Variants in SPEG observed in about 807,000 individuals in gnomAD.
SPEG encodes the protein striated muscle preferentially expressed protein kinase.
Under a neutral mutation model 300.4 loss-of-function variants are expected in SPEG, and 114 were observed. That is an observed-to-expected ratio of 0.38 (90% confidence interval 0.33 to 0.44). The LOEUF is 0.44. Ranked by LOEUF, SPEG falls within the 20% of genes least tolerant of loss-of-function variation. The pLI is 1.00. For synonymous variants in SPEG, 1,964 were observed against 2,018.9 expected, an observed-to-expected ratio of 0.97 and a Z score of 0.73; for missense variants, 4,201 against 4,586.2, an observed-to-expected ratio of 0.92 and a Z score of 2.43.
rs986657518 is a variant in SPEG, at chr2:219,444,117, G to A, written c.389-536G>A. On this transcript the variant is annotated intron_variant, in intron 1 of 40. Transcript: ENST00000312358. The surrounding 1 kb of genome is among the most constrained non-coding windows in gnomAD (Gnocchi z 7.8). Reference sequence around the variant, plus strand: ...ATCCCCCCCTTTCCCACCCGGCCCCGGCCTCTCCTCACCCTGCCTCAGCTG... The same window carrying A: ...ATCCCCCCCTTTCCCACCCGGCCCCAGCCTCTCCTCACCCTGCCTCAGCTG... The A allele has an allele frequency of 4.7e-5, 58 of 1,241,190 alleles. No individual in the cohort carries two copies. Among genetic ancestry groups the A allele is most frequent in the African/African-American group, 1.4e-4 (9 of 65,034 alleles). 76.9% of individuals were successfully genotyped at this position (1,241,190 alleles called of 1,614,324 possible).
intron 18 of SPEG, 85 bp from the exon 19 acceptor site, chr2:219,476,785 G>A: frequency 2.8e-6 from 3 of 1,053,118 alleles, no homozygotes; most frequent in Non-Finnish European, 4.3e-6. Flanking sequence ...AGTCACTGAT[G>A]GGGGATCTTG....
Position 219,451,879 on chromosome 2 carries a change from A to C in SPEG, c.2440+72A>C, listed in dbSNP as rs910330097. On this transcript the variant is annotated intron_variant, in intron 6 of 40. Transcript: ENST00000312358. This position sits in a 1 kb window ranked among gnomAD's most constrained non-coding sequence, Gnocchi z 6.4. ...TCTCCCCTGGCCCAGGCCCCAGTCC[A>C]CCTCCCTTCCCACTCTCAGCCTTGA... 15 of 1,392,432 alleles carry C rather than the reference A, an allele frequency of 1.1e-5. No homozygotes were observed. The highest frequency in any genetic ancestry group is 2.6e-5 in the Admixed American group (1 of 37,990). 86.3% of individuals were successfully genotyped at this position (1,392,432 alleles called of 1,614,324 possible).
At position 219,448,615 on chromosome 2, in the gene SPEG, C is replaced by G. The variant is rs967635135; in HGVS notation, c.1457C>G (p.Pro486Arg). 11 of 1,475,968 alleles carry G rather than the reference C, an allele frequency of 7.5e-6. No individual in the cohort carries two copies. Among genetic ancestry groups the G allele is most frequent in the East Asian group, 5.8e-5 (2 of 34,518 alleles). 91.4% of individuals were successfully genotyped at this position (1,475,968 alleles called of 1,614,324 possible). The change falls in exon 4 of 41, where the codon CCG becomes CGG. Residue 486 changes from proline to arginine, a missense_variant. This residue lies in a region of SPEG where 1,258 missense variants were observed against 1,293.9 expected (regional missense o/e 0.97). Coordinates refer to ENST00000312358, the MANE Select transcript of SPEG (RefSeq NM_005876.5). ...GACGAGCGCACGCGTCAGCGCAGCC[C>G]GGCCTCAGACCTCGAGCTGCGCTTC... ...SLDERTRQRS[P>R]ASDLELRFAQ...
chr2:219,485,599 C>T, intron 31 of SPEG, 122 bp downstream of exon 31: 1 of 952,756 alleles, frequency 1.0e-6, no homozygotes. Context: ...AAGGGGTCTG[C>T]TCAGACAACT....
Position 219,489,225 on chromosome 2 carries a change from A to G in SPEG, c.8317+4A>G. On this transcript the variant is annotated splice_donor_region_variant and intron_variant, in intron 35 of 40. Coordinates refer to ENST00000312358, the MANE Select transcript of SPEG (RefSeq NM_005876.5). ...GTCTTTGTCAGGGGTACTCAAGGTC[A>G]GTGCAATGGTATGGGGTGGGAGGAG... 1 of 1,613,766 alleles carries G rather than the reference A, an allele frequency of 6.2e-7. No individual in the cohort carries two copies.
Position 219,489,844 on chromosome 2 carries a change from TG to T in SPEG, c.8829del (p.Ser2944AlafsTer141). The T allele has an allele frequency of 6.2e-7, 1 of 1,612,968 alleles. No individual in the cohort carries two copies. The highest frequency in any genetic ancestry group is 8.5e-7 in the Non-Finnish European group (1 of 1,179,520). On this transcript the variant is annotated frameshift_variant, in exon 36 of 41. Transcript: ENST00000312358. LOFTEE classifies it high-confidence loss of function. ...SPAKEVVSSPGSSPRSSPRPE... is the reference protein window; with the variant it reads ...SPAKEVVSSPXSSPRSSPRPE... ...CGGCCAAGGAGGTGGTCAGCTCCCC[TG>T]GGAGCAGTCCCCGAAGCTCTCCCAG...
chr2:219,449,941 G>A (rs2125295204), intron 4 of SPEG, among the ~76,000 whole-genome samples: 2 of 152,174 alleles, frequency 1.3e-5, no homozygotes, highest in African/African-American at 4.8e-5. Context: ...GAATGGCTCT[G>A]CACCCCACCC....
rs1371872990 is a variant in SPEG at position 219,444,930 on chromosome 2, T to A, written c.584T>A (p.Leu195Gln). 6.3e-7 allele frequency: 1 copy of A among 1,586,218 alleles called. No individual in the cohort carries two copies. The highest frequency in any genetic ancestry group is 1.3e-5 in the African/African-American group (1 of 74,472). Residue 195 changes from leucine to glutamine, a missense_variant, in exon 3 of 41, where the codon CTG becomes CAG. Leu to Gln is a moderately radical substitution (Grantham distance 113, BLOSUM62 -2). Coordinates refer to ENST00000312358, the MANE Select transcript of SPEG (RefSeq NM_005876.5). The surrounding 1 kb of genome is among the most constrained non-coding windows in gnomAD (Gnocchi z 7.8). ...TGGTGGGGCAGCGGGCAGACGGTCC[T>A]GGAGCAGGAAGCGGGCAGTGGGGGT... Reference protein sequence around the residue: ...VSWWGSGQTVLEQEAGSGGGT... With the variant: ...VSWWGSGQTVQEQEAGSGGGT...
rs184195499 is a variant in SPEG, at chr2:219,465,887, A to G, written c.2881+1279A>G. On this transcript the variant is annotated intron_variant, in intron 9 of 40. Transcript: ENST00000312358. Reference sequence around the variant, plus strand: ...TGTGTGCGTGTGTGCGTGCGTGTGCATGTGTGCGTATGGGTGTGTGCATGC... The same window carrying G: ...TGTGTGCGTGTGTGCGTGCGTGTGCGTGTGTGCGTATGGGTGTGTGCATGC... 716 of 616,326 alleles carry G rather than the reference A, an allele frequency of 1.2e-3. 1 individual carries two copies. The highest frequency in any genetic ancestry group is 1.5e-3 in the Non-Finnish European group (536 of 347,152). 38.2% of individuals were successfully genotyped at this position (616,326 alleles called of 1,614,324 possible).
At chr2:219,435,747 T>C (rs572382165) in intron 1 of SPEG, among the ~76,000 whole-genome samples, 2 of 152,310 alleles carry the variant, frequency 1.3e-5, no homozygotes, top group Admixed American at 6.5e-5. Context: ...TCCGATCAGC[T>C]CCTTAACAGG....
At chr2:219,462,655 G>T (rs1484580037) in intron 8 of SPEG, among the ~76,000 whole-genome samples, 1 of 152,226 alleles carries the variant, frequency 6.6e-6, no homozygotes, top group Non-Finnish European at 1.5e-5. Flanking sequence ...GGTGGCTCAC[G>T]CCTGTAATCC....
chr2:219,464,598 G>C lies in SPEG; in HGVS notation c.2871G>C (p.Leu957Phe). The change falls in exon 9 of 41, where the codon TTG becomes TTC. Residue 957 changes from leucine (L) to phenylalanine (F), a missense_variant. By Grantham distance (22) the Leu-to-Phe change is conservative. Coordinates refer to ENST00000312358, the MANE Select transcript of SPEG (RefSeq NM_005876.5). This position sits in a 1 kb window ranked among gnomAD's most constrained non-coding sequence, Gnocchi z 4.5. ...EYGARQCEAR[L>F]EVRAHPESRS... is the part of the protein sequence containing the mutation. ...GTGCTCGGCAGTGCGAGGCCCGCTT[G>C]GAGGTCCGAGGTGAGTACCTGATTT... 6.2e-7 allele frequency: 1 copy of C among 1,613,998 alleles called. No individual in the cohort carries two copies. Among genetic ancestry groups the C allele is most frequent in the African/African-American group, 1.3e-5 (1 of 75,064 alleles).
At position 219,461,842 on chromosome 2, in the gene SPEG, C is replaced by T. The variant is rs761386966; in HGVS notation, c.2441-40C>T. 8 of 1,594,774 alleles carry T rather than the reference C, an allele frequency of 5.0e-6. No homozygotes were observed. In the East Asian group the frequency reaches 1.8e-4, roughly 36 times the overall value. On this transcript the variant is annotated intron_variant, in intron 6 of 40. Transcript: ENST00000312358. Reference sequence around the variant, plus strand: ...CCAGCCAGCTCTCCCAGGCTCTCTGCTCGCCTTCCTCCCTGGTAGCTATCT... The same window carrying T: ...CCAGCCAGCTCTCCCAGGCTCTCTGTTCGCCTTCCTCCCTGGTAGCTATCT...
rs1575159236 is a variant in SPEG at position 219,480,569 on chromosome 2, C to T, written c.5343-102C>T. On this transcript the variant is annotated intron_variant, in intron 25 of 40. Coordinates refer to ENST00000312358, the MANE Select transcript of SPEG (RefSeq NM_005876.5). This position sits in a 1 kb window ranked among gnomAD's most constrained non-coding sequence, Gnocchi z 5.3. ...GTGCCCATTGTCCATGGCAGTGTTC[C>T]CAGGGAGGTAACAGCTCACTCAGGT... is the stretch of plus-strand genomic sequence containing the variant. 1.6e-6 allele frequency: 2 copies of T among 1,224,402 alleles called. No individual in the cohort carries two copies. The highest frequency in any genetic ancestry group is 3.0e-5 in the African/African-American group (2 of 67,482). 75.8% of individuals were successfully genotyped at this position (1,224,402 alleles called of 1,614,324 possible).
In SPEG at chr2:219,460,688, C is replaced by T. The variant is rs374844956; in HGVS notation, c.2441-1194C>T. ...TCCCTCCCCTCTCCCCTCTCCTCCC[C>T]CTCCACACCAGGGCCCAGGCTGCCT... On this transcript the variant is annotated intron_variant, in intron 6 of 40. Coordinates refer to ENST00000312358, the MANE Select transcript of SPEG (RefSeq NM_005876.5). 9.4e-5 allele frequency: 93 copies of T among 985,548 alleles called. No individual in the cohort carries two copies. The African/African-American group carries it at 1.4e-3, about 15-fold the overall frequency. 61.1% of individuals were successfully genotyped at this position (985,548 alleles called of 1,614,324 possible).
Position 219,444,582 on chromosome 2 carries a change from C to T in SPEG, c.389-71C>T. The T allele has an allele frequency of 7.5e-7, 1 of 1,327,166 alleles. No homozygotes were observed. Among genetic ancestry groups the T allele is most frequent in the Non-Finnish European group, 1.1e-6 (1 of 926,382 alleles). 82.2% of individuals were successfully genotyped at this position (1,327,166 alleles called of 1,614,324 possible). On this transcript the variant is annotated intron_variant, in intron 1 of 40. Coordinates refer to ENST00000312358, the MANE Select transcript of SPEG (RefSeq NM_005876.5). The surrounding 1 kb of genome is among the most constrained non-coding windows in gnomAD (Gnocchi z 7.8). Reference sequence around the variant, plus strand: ...ATGGAGCCTGCTGTTGGCAGGGAGGCAGAAGGCAATAGGGAAGAGTTGGAG... The same window carrying T: ...ATGGAGCCTGCTGTTGGCAGGGAGGTAGAAGGCAATAGGGAAGAGTTGGAG...
intron 13 of SPEG, among the ~76,000 whole-genome samples, chr2:219,469,796 T>A (rs758473558): frequency 1.3e-5 from 2 of 152,192 alleles, no homozygotes; most frequent in Non-Finnish European, 2.9e-5. Context: ...ATTCTTGTTT[T>A]AGTAGCCATT....
At position 219,445,074 on chromosome 2, in the gene SPEG, G is replaced by A; in HGVS notation, c.728G>A (p.Trp243Ter). 1 of 1,605,598 alleles carries A rather than the reference G, an allele frequency of 6.2e-7. No individual in the cohort carries two copies. The highest frequency in any genetic ancestry group is 8.5e-7 in the Non-Finnish European group (1 of 1,176,130). The stretch of plus-strand genomic sequence containing the variant: ...CGAGCTAATCTGGTGGGCGCAAGCT[G>A]GGGGTCAGAGGATAGCCTTTCCGTG... ...ASRANLVGAS[W>*]GSEDSLSVAS... Residue 243 changes from tryptophan (W) to a stop codon, truncating the protein, a stop_gained, in exon 3 of 41, where the codon TGG (tryptophan) becomes TAG (stop). Transcript: ENST00000312358. LOFTEE classifies it high-confidence loss of function. The surrounding 1 kb of genome is among the most constrained non-coding windows in gnomAD (Gnocchi z 6.1).
Position 219,473,037 on chromosome 2 carries a change from CTG to C in SPEG, c.4090_4091del (p.Val1364GlnfsTer11), listed in dbSNP as rs1306987229. On this transcript the variant is annotated frameshift_variant, in exon 16 of 41. Coordinates refer to ENST00000312358, the MANE Select transcript of SPEG (RefSeq NM_005876.5). LOFTEE classifies it high-confidence loss of function. This position sits in a 1 kb window ranked among gnomAD's most constrained non-coding sequence, Gnocchi z 4.6. ...CACATCTTCCGGGTCCTCAGCACCA[CTG>C]TCAAGAGCAGCAGCAAGCCCTCACC... 6.2e-7 allele frequency: 1 copy of C among 1,613,896 alleles called. No homozygotes were observed. The highest frequency in any genetic ancestry group is 1.3e-5 in the African/African-American group (1 of 74,932).
Sources: gnomAD v4.1 joint callset for allele counts (sites outside exome capture counted in the v4.1 genomes callset) on GRCh38, gnomAD v4.1.1 for gene constraint, gnomAD v4.1.1 regional missense constraint, Gnocchi (gnomAD v3.1) non-coding constraint, MANE v1.5 for transcripts, NCBI Gene and HGNC (gene_info 2026-07-23, HGNC 2026-07-21) for gene names.